Variants in PDE8B observed in about 807,000 individuals in gnomAD.
PDE8B encodes phosphodiesterase 8B, also known as high affinity cAMP-specific and IBMX-insensitive 3',5'-cyclic phosphodiesterase 8B.
In PDE8B, 26 loss-of-function variants were observed where a neutral mutation model predicts 101.3. That is an observed-to-expected ratio of 0.26 (90% confidence interval 0.19 to 0.36). PDE8B has a LOEUF of 0.36. Among genes scored for constraint, PDE8B ranks in the 10% least tolerant of loss-of-function variants. PDE8B has a pLI of 1.00. For missense variants in PDE8B, 810 were observed against 1,163.1 expected (o/e 0.70, Z 4.42); for synonymous variants, 424 against 429.3 (o/e 0.99, Z 0.15).
chr5:77,288,430 G>C (rs1439021091), intron 1 of PDE8B, among the ~76,000 whole-genome samples: 1 of 149,170 alleles, frequency 6.7e-6, no homozygotes, highest in South Asian at 2.1e-4. Context: ...CACTGCACTG[G>C]TATCTATCTG....
Position 77,397,017 on chromosome 5 carries a change from C to T in PDE8B, c.1168-3231C>T, listed in dbSNP as rs542590226. On this transcript the variant is annotated intron_variant, in intron 10 of 21. Transcript: ENST00000264917. ...GCATTTGAGTTGGTTTCTATATTTCCGATAAGAAATTTTTTTTTTTTTTTT... is the reference window on the plus strand; with the variant it reads ...GCATTTGAGTTGGTTTCTATATTTCTGATAAGAAATTTTTTTTTTTTTTTT... Among the ~76,000 whole-genome samples, 5 of 124,190 alleles carry T rather than the reference C, an allele frequency of 4.0e-5. No homozygotes were observed. The South Asian group carries it at 1.2e-3, about 30-fold the overall frequency. The allele number at this position is 124,190 out of a possible 152,430, so 81.5% of individuals were successfully genotyped here.
the PDE8B span, among the ~76,000 whole-genome samples, chr5:77,167,729 C>G: frequency 6.6e-6 from 1 of 152,124 alleles, no homozygotes; most frequent in African/African-American, 2.4e-5. Flanking sequence ...GAAAAATAGA[C>G]TTGGAGAAAT....
the PDE8B span, among the ~76,000 whole-genome samples, chr5:77,133,007 C>T: frequency 6.6e-6 from 1 of 152,208 alleles, no homozygotes; most frequent in African/African-American, 2.4e-5. Flanking sequence ...TTCTCATTCA[C>T]AATCCTTTGT....
chr5:77,335,832 C>T (rs183128955), intron 5 of PDE8B, among the ~76,000 whole-genome samples: 257 of 152,102 alleles, frequency 1.7e-3, no homozygotes, highest in African/African-American at 5.9e-3. Flanking sequence ...AACATTTCCC[C>T]TTTCCTAAGT....
chr5:77,356,520 C>G (rs1251293098), intron 10 of PDE8B, among the ~76,000 whole-genome samples: 1 of 152,208 alleles, frequency 6.6e-6, no homozygotes, highest in Non-Finnish European at 1.5e-5. Context: ...ACCTCCGCCT[C>G]CTGGGTTCAA....
chr5:77,091,863 T>G, the PDE8B span, among the ~76,000 whole-genome samples: 39 of 152,334 alleles, frequency 2.6e-4, no homozygotes, highest in East Asian at 7.3e-3. Flanking sequence ...ATATTTTCAT[T>G]AGTTCATAGA....
chr5:77,238,645 G>T (rs1424716328), intron 1 of PDE8B, among the ~76,000 whole-genome samples: 2 of 152,178 alleles, frequency 1.3e-5, no homozygotes, highest in African/African-American at 4.8e-5. Context: ...ACAAGGAATT[G>T]GCTCATGTAG....
At chr5:77,414,274 T>C (rs1329859739) in intron 17 of PDE8B, among the ~76,000 whole-genome samples, 1 of 152,212 alleles carries the variant, frequency 6.6e-6, no homozygotes, top group Non-Finnish European at 1.5e-5. Context: ...AAGGAAACAA[T>C]GTGGCCCAAG....
chr5:77,208,378 T>C (rs1015804117), upstream of PDE8B, among the ~76,000 whole-genome samples: 6 of 152,242 alleles, frequency 3.9e-5, no homozygotes, highest in African/African-American at 1.4e-4. Context: ...AGGTAATGAC[T>C]GAAATGCTAT....
chr5:77,184,373 A>G, the PDE8B span, among the ~76,000 whole-genome samples: 1 of 152,170 alleles, frequency 6.6e-6, no homozygotes, highest in Non-Finnish European at 1.5e-5. Context: ...GTTTTGATAA[A>G]TCATTTAATC....
At chr5:77,296,147 T>C (rs965350980) in intron 1 of PDE8B, among the ~76,000 whole-genome samples, 2 of 148,464 alleles carry the variant, frequency 1.3e-5, no homozygotes, top group African/African-American at 4.9e-5. Flanking sequence ...TTCCTCCTCC[T>C]CCTCTTCTTC....
At chr5:77,178,098 C>G in the PDE8B span, among the ~76,000 whole-genome samples, 2 of 152,178 alleles carry the variant, frequency 1.3e-5, no homozygotes, top group Non-Finnish European at 2.9e-5. Context: ...CAGACGTCCT[C>G]CTAGTACTTC....
At chr5:77,266,352 A>G (rs1353022142) in intron 1 of PDE8B, among the ~76,000 whole-genome samples, 3 of 152,198 alleles carry the variant, frequency 2.0e-5, no homozygotes, top group Non-Finnish European at 4.4e-5. Context: ...ATGGCTCAGA[A>G]ATGTGCCAAG....
chr5:77,195,430 A>C, the PDE8B span, among the ~76,000 whole-genome samples: 2 of 152,168 alleles, frequency 1.3e-5, no homozygotes, highest in South Asian at 4.1e-4. Context: ...TAAGGGTTGC[A>C]GTTTCCCCAT....
chr5:77,333,050 G>A (rs564442047), intron 5 of PDE8B, among the ~76,000 whole-genome samples: 1 of 152,022 alleles, frequency 6.6e-6, no homozygotes, highest in African/African-American at 2.4e-5. Flanking sequence ...TGATGCAGTT[G>A]TTTTGTGCTT....
intron 10 of PDE8B, among the ~76,000 whole-genome samples, chr5:77,356,736 T>C (rs1021203648): frequency 3.3e-5 from 5 of 152,088 alleles, no homozygotes; most frequent in Non-Finnish European, 2.9e-5. Context: ...AGCCATCAGC[T>C]CTTATTCTTG....
intron 10 of PDE8B, among the ~76,000 whole-genome samples, chr5:77,359,611 G>A (rs979212285): frequency 1.3e-5 from 2 of 152,146 alleles, no homozygotes; most frequent in Non-Finnish European, 1.5e-5. Context: ...GGGAGGTGGA[G>A]AATGGGAAAA....
intron 1 of PDE8B, among the ~76,000 whole-genome samples, chr5:77,272,193 G>A (rs1328614503): frequency 6.6e-6 from 1 of 152,182 alleles, no homozygotes; most frequent in Non-Finnish European, 1.5e-5. Flanking sequence ...CAAATCATGG[G>A]AATGTGATGG....
Position 77,422,031 on chromosome 5 carries a change from T to C in PDE8B, c.2418+43T>C, listed in dbSNP as rs371014105. Reference sequence around the variant, plus strand: ...GGAAGCTCCACTTCCCCTCTGGGAATGGGAACTAGGTCATGGAACTCCTGG... The same window carrying C: ...GGAAGCTCCACTTCCCCTCTGGGAACGGGAACTAGGTCATGGAACTCCTGG... On this transcript the variant is annotated intron_variant, in intron 20 of 21. Coordinates refer to ENST00000264917, the MANE Select transcript of PDE8B (RefSeq NM_003719.5). 7 of 1,588,186 alleles carry C rather than the reference T, an allele frequency of 4.4e-6. No individual in the cohort carries two copies. The East Asian group carries it at 1.3e-4, about 31-fold the overall frequency.
Sources: allele counts gnomAD v4.1 joint callset (sites outside exome capture counted in the v4.1 genomes callset), GRCh38; gene constraint gnomAD v4.1.1; transcripts MANE v1.5; gene names NCBI Gene and HGNC (gene_info 2026-07-23, HGNC 2026-07-21).